PITPNM3: variants seen among roughly 807,000 people sequenced by gnomAD.
PITPNM3 encodes the protein membrane-associated phosphatidylinositol transfer protein 3.
A neutral mutation model predicts 102.0 loss-of-function variants in PITPNM3; 26 were observed. The ratio of observed to expected loss-of-function variants is 0.25; its 90% CI spans 0.19 to 0.35. The LOEUF is 0.35. Ranked by LOEUF, PITPNM3 falls within the 10% of genes least tolerant of loss-of-function variation. The pLI is 1.00. For missense variants in PITPNM3, 1,083 were observed against 1,346.1 expected (o/e 0.80, Z 3.06); for synonymous variants, 578 against 558.6 (o/e 1.03, Z -0.49).
intron 10 of PITPNM3, chr17:6,473,303 G>A (rs1238533733): frequency 4.2e-6 from 1 of 240,924 alleles, no homozygotes; most frequent in Non-Finnish European, 8.3e-6. Flanking sequence ...GCCAGAGCTG[G>A]TGGAACACTT....
At chr17:6,519,445 G>A (rs543566758) in intron 3 of PITPNM3, among the ~76,000 whole-genome samples, 1 of 151,856 alleles carries the variant, frequency 6.6e-6, no homozygotes, top group African/African-American at 2.4e-5. Flanking sequence ...CGTGAACCTG[G>A]GAGGCGGGGC....
intron 2 of PITPNM3, among the ~76,000 whole-genome samples, chr17:6,528,626 ACT>A (rs759818201): frequency 3.4e-5 from 5 of 147,688 alleles, no homozygotes; most frequent in Non-Finnish European, 7.5e-5. Flanking sequence ...GCTCCCTCTC[ACT>A]CTCTGCTTTA....
chr17:6,457,849 T>A lies in PITPNM3; in HGVS notation c.2491-127A>T. On this transcript the variant is annotated intron_variant, in intron 18 of 19. Transcript: ENST00000262483. This position sits in a 1 kb window ranked among gnomAD's most constrained non-coding sequence, Gnocchi z 4.7. The stretch of plus-strand genomic sequence containing the variant: ...GTGCACTCTGGTAGACTCCAAGCCA[T>A]GGGGCCACCCTGTGTCAGGAATGAA... 7.5e-7 allele frequency: 1 copy of A among 1,338,158 alleles called. No homozygotes were observed. Among genetic ancestry groups the A allele is most frequent in the South Asian group, 1.3e-5 (1 of 79,096 alleles). The allele number at this position is 1,338,158 out of a possible 1,614,324, so 82.9% of individuals were successfully genotyped here.
chr17:6,495,632 G>A (rs374765831), intron 4 of PITPNM3, among the ~76,000 whole-genome samples: 7 of 152,236 alleles, frequency 4.6e-5, no homozygotes, highest in South Asian at 2.1e-4. Flanking sequence ...CGTGCTCACC[G>A]CTGTGGACGA....
chr17:6,467,206 G>A lies in PITPNM3; in HGVS notation c.1890+1019C>T, dbSNP rs150337421. On this transcript the variant is annotated intron_variant, in intron 14 of 19. Transcript: ENST00000262483. Reference sequence around the variant, plus strand: ...CTCAGAAAGGAATTTCTGACACAGCGACCAGTTGGATGAACCTTGAAGACA... The same window carrying A: ...CTCAGAAAGGAATTTCTGACACAGCAACCAGTTGGATGAACCTTGAAGACA... Among the ~76,000 whole-genome samples the A allele has an allele frequency of 4.7e-3, 715 of 152,166 alleles. 4 individuals carry two copies. Among genetic ancestry groups the A allele is most frequent in the Middle Eastern group, 0.02 (6 of 294 alleles).
chr17:6,505,204 A>ATATG (rs1000208979), intron 3 of PITPNM3, among the ~76,000 whole-genome samples: 1 of 148,882 alleles, frequency 6.7e-6, no homozygotes, highest in Non-Finnish European at 1.5e-5. Flanking sequence ...AAATATATAT[A>ATATG]TATATATATA....
At position 6,455,573 on chromosome 17, in the gene PITPNM3, T is replaced by C; in HGVS notation, c.2690A>G (p.Asn897Ser). The change falls in exon 20 of 20, where the codon AAC becomes AGC. Residue 897 changes from asparagine (N) to serine (S), a missense_variant. Asn to Ser is a conservative substitution (Grantham distance 46). Coordinates refer to ENST00000262483, the MANE Select transcript of PITPNM3 (RefSeq NM_031220.4). ...EASHRSRPKKNNSRMILRKGS... is the reference protein window; with the variant it reads ...EASHRSRPKKSNSRMILRKGS... ...CTTGCGCAGGATCATGCGCGAGTTGTTCTTCTTTGGGCGTGAGCGGTGGCT... is the reference window on the plus strand; with the variant it reads ...CTTGCGCAGGATCATGCGCGAGTTGCTCTTCTTTGGGCGTGAGCGGTGGCT... 1.9e-6 allele frequency: 3 copies of C among 1,599,866 alleles called. No homozygotes were observed. The highest frequency in any genetic ancestry group is 2.5e-6 in the Non-Finnish European group (3 of 1,178,742).
At chr17:6,455,815 G>A (rs893233446) in intron 19 of PITPNM3, among the ~76,000 whole-genome samples, 172 bp from the exon 20 acceptor site, 1 of 146,100 alleles carries the variant, frequency 6.8e-6, no homozygotes, top group Non-Finnish European at 1.5e-5. Context: ...GCGGAGGGGT[G>A]GGGCAGGCCC....
In PITPNM3 at chr17:6,478,240, T is replaced by A. The variant is rs1905436676; in HGVS notation, c.778-143A>T. On this transcript the variant is annotated intron_variant, in intron 7 of 19. Coordinates refer to ENST00000262483, the MANE Select transcript of PITPNM3 (RefSeq NM_031220.4). The surrounding 1 kb of genome is among the most constrained non-coding windows in gnomAD (Gnocchi z 4.4). ...TTGAGAGAGCCCAACTGGGAAGCAG[T>A]GTGCAAACTGGGGAGGGTCAGGGTT... The A allele has an allele frequency of 1.4e-6, 2 of 1,402,374 alleles. No individual in the cohort carries two copies. Among genetic ancestry groups the A allele is most frequent in the African/African-American group, 2.8e-5 (2 of 70,314 alleles). The allele number at this position is 1,402,374 out of a possible 1,614,324, so 86.9% of individuals were successfully genotyped here.
At chr17:6,492,215 C>G (rs868399502) in intron 4 of PITPNM3, among the ~76,000 whole-genome samples, 2 of 151,860 alleles carry the variant, frequency 1.3e-5, no homozygotes, top group Non-Finnish European at 2.9e-5. Flanking sequence ...AGGCGCCCCC[C>G]CACCATGCCC....
At chr17:6,512,970 G>A (rs2150624129) in intron 3 of PITPNM3, among the ~76,000 whole-genome samples, 1 of 152,000 alleles carries the variant, frequency 6.6e-6, no homozygotes, top group African/African-American at 2.4e-5. Context: ...ATTTATCCCA[G>A]GAATGCAAAG....
Position 6,470,482 on chromosome 17 carries a change from T to C in PITPNM3, c.1625-74A>G. ...ACCCGAGGGGCAGCGGGGTCTCCCATTGCACAGACTGGTGGTGGATGCCCC... is the reference window on the plus strand; with the variant it reads ...ACCCGAGGGGCAGCGGGGTCTCCCACTGCACAGACTGGTGGTGGATGCCCC... On this transcript the variant is annotated intron_variant, in intron 12 of 19. Transcript: ENST00000262483. This position sits in a 1 kb window ranked among gnomAD's most constrained non-coding sequence, Gnocchi z 4.8. The C allele has an allele frequency of 3.1e-6, 5 of 1,597,480 alleles. No homozygotes were observed. Among genetic ancestry groups the C allele is most frequent in the South Asian group, 1.1e-5 (1 of 90,476 alleles).
At chr17:6,534,306 A>C (rs191639727) in intron 2 of PITPNM3, among the ~76,000 whole-genome samples, 212 of 152,230 alleles carry the variant, frequency 1.4e-3, no homozygotes, top group African/African-American at 4.8e-3. Flanking sequence ...CACCCTGCCG[A>C]GGAGTTGTTA....
chr17:6,545,666 T>C lies in PITPNM3; in HGVS notation c.23-7584A>G, dbSNP rs549429139. 1.1e-4 allele frequency among the ~76,000 whole-genome samples: 17 copies of C among 152,328 alleles called. No individual in the cohort carries two copies. In the South Asian group the frequency reaches 3.5e-3, roughly 32 times the overall value. On this transcript the variant is annotated intron_variant, in intron 1 of 19. Transcript: ENST00000262483. Reference sequence around the variant, plus strand: ...AGGTCCTGATGCCTGAAACGTCTTCTATCTCCCCATCCCACCCCCAATTCC... The same window carrying C: ...AGGTCCTGATGCCTGAAACGTCTTCCATCTCCCCATCCCACCCCCAATTCC...
At chr17:6,465,543 GAA>G (rs1227193517) in intron 14 of PITPNM3, among the ~76,000 whole-genome samples, 1 of 152,160 alleles carries the variant, frequency 6.6e-6, no homozygotes. Flanking sequence ...TAGAGAGAGA[GAA>G]GAGTGTAACA....
rs1914056326 is a variant in PITPNM3 at position 6,455,576 on chromosome 17, T to C, written c.2687A>G (p.Lys896Arg). 1 of 1,599,312 alleles carries C rather than the reference T, an allele frequency of 6.3e-7. No individual in the cohort carries two copies. The highest frequency in any genetic ancestry group is 8.5e-7 in the Non-Finnish European group (1 of 1,178,842). The change falls in exon 20 of 20, where the codon AAG (lysine) becomes AGG (arginine). Residue 896 changes from lysine to arginine, a missense_variant. Coordinates refer to ENST00000262483, the MANE Select transcript of PITPNM3 (RefSeq NM_031220.4). ...LEASHRSRPK[K>R]NNSRMILRKG... ...GCGCAGGATCATGCGCGAGTTGTTC[T>C]TCTTTGGGCGTGAGCGGTGGCTGGC...
intron 18 of PITPNM3, chr17:6,461,099 A>C: frequency 4.3e-5 from 22 of 509,272 alleles, no homozygotes; most frequent in Admixed American, 9.6e-5. Context: ...TATTGGATGA[A>C]TGGCCAGATG....
intron 3 of PITPNM3, among the ~76,000 whole-genome samples, chr17:6,520,877 C>A (rs1908468626): frequency 6.6e-6 from 1 of 152,070 alleles, no homozygotes; most frequent in African/African-American, 2.4e-5. Context: ...GTCAAACAGG[C>A]CAGACACAAA....
chr17:6,477,851 A>G, intron 8 of PITPNM3, 124 bp downstream of exon 8: 1 of 1,533,532 alleles, frequency 6.5e-7, no homozygotes, highest in Non-Finnish European at 8.9e-7. Flanking sequence ...CAGCTGGATT[A>G]TGATACACTT....
Sources: allele counts gnomAD v4.1 joint callset (sites outside exome capture counted in the v4.1 genomes callset), GRCh38; gene constraint gnomAD v4.1.1; non-coding constraint Gnocchi (gnomAD v3.1); transcripts MANE v1.5; gene names NCBI Gene and HGNC (gene_info 2026-07-23, HGNC 2026-07-21).